Variants in FOXP2 observed in about 807,000 individuals in gnomAD.
FOXP2 encodes the protein forkhead box protein P2.
In FOXP2, 12 loss-of-function variants were observed where a neutral mutation model predicts 115.8. The observed-to-expected ratio is 0.10, with a 90% CI of 0.07 to 0.17. The LOEUF is 0.17. FOXP2 is among the 10% of genes least tolerant of loss of function. The pLI is 1.00. For missense variants in FOXP2, 629 were observed against 843.5 expected (o/e 0.75, Z 3.15); for synonymous variants, 328 against 297.7 (o/e 1.10, Z -1.05).
At chr7:114,376,914 G>A (rs1792152680) in intron 2 of FOXP2, among the ~76,000 whole-genome samples, 1 of 152,172 alleles carries the variant, frequency 6.6e-6, no homozygotes, top group Admixed American at 6.5e-5. Context: ...ATAGACGTGA[G>A]TTTAGATATA....
At chr7:114,133,087 A>G (rs1265457003) in intron 1 of FOXP2, among the ~76,000 whole-genome samples, 1 of 152,202 alleles carries the variant, frequency 6.6e-6, no homozygotes, top group Non-Finnish European at 1.5e-5. Context: ...TAGTAATAGT[A>G]ATGAAGGTTA....
chr7:114,647,181 A>G (rs1451415583), intron 8 of FOXP2, among the ~76,000 whole-genome samples: 2 of 151,854 alleles, frequency 1.3e-5, no homozygotes, highest in Admixed American at 1.3e-4. Context: ...GAAACCATTC[A>G]TTTTTACTGT....
chr7:114,292,975 G>C (rs138636015), intron 2 of FOXP2, among the ~76,000 whole-genome samples: 1 of 151,980 alleles, frequency 6.6e-6, no homozygotes, highest in African/African-American at 2.4e-5. Flanking sequence ...TATATACCTC[G>C]AATAACCCTT....
intron 1 of FOXP2, among the ~76,000 whole-genome samples, chr7:114,263,033 A>C (rs1253492261): frequency 3.3e-5 from 5 of 152,162 alleles, no homozygotes; most frequent in African/African-American, 1.2e-4. Context: ...TCTGTTGCAC[A>C]GTAAAGAAGG....
At chr7:114,142,852 T>G (rs1423688937) in intron 1 of FOXP2, among the ~76,000 whole-genome samples, 1 of 151,860 alleles carries the variant, frequency 6.6e-6, no homozygotes, top group African/African-American at 2.4e-5. Flanking sequence ...AAAAAAAATT[T>G]AACGCCCACT....
intron 3 of FOXP2, among the ~76,000 whole-genome samples, chr7:114,607,631 T>C (rs928306934): frequency 1.3e-5 from 2 of 152,094 alleles, no homozygotes; most frequent in African/African-American, 4.8e-5. Flanking sequence ...AAATTTGTAT[T>C]CTCCCACAAT....
chr7:114,498,350 A>G (rs890270253), intron 2 of FOXP2, among the ~76,000 whole-genome samples: 2 of 152,188 alleles, frequency 1.3e-5, no homozygotes, highest in African/African-American at 2.4e-5. Context: ...GATCATTTTA[A>G]TAAATATTTA....
intron 8 of FOXP2, 53 bp from the exon 9 acceptor site, chr7:114,652,150 C>G (rs1477008434): frequency 6.5e-7 from 1 of 1,530,780 alleles, no homozygotes; most frequent in Non-Finnish European, 9.0e-7. Flanking sequence ...GTAGCCTATG[C>G]CACTAAGATC....
intron 13 of FOXP2, 43 bp downstream of exon 13, chr7:114,659,716 C>T: frequency 7.0e-7 from 1 of 1,432,916 alleles, no homozygotes; most frequent in Non-Finnish European, 9.9e-7. Context: ...ACCACAGTTC[C>T]TTACAGATAG....
At chr7:114,180,977 A>C (rs929281795) in intron 1 of FOXP2, among the ~76,000 whole-genome samples, 8 of 151,898 alleles carry the variant, frequency 5.3e-5, no homozygotes, top group Non-Finnish European at 7.4e-5. Context: ...TTCCCTTTAA[A>C]CATAGGGTAA....
At chr7:114,550,565 C>A (rs1158463925) in intron 3 of FOXP2, among the ~76,000 whole-genome samples, 1 of 152,154 alleles carries the variant, frequency 6.6e-6, no homozygotes, top group Admixed American at 6.5e-5. Flanking sequence ...CATATTGCAA[C>A]CCCTTTGTTA....
At chr7:114,530,603 C>T (rs145974559) in intron 2 of FOXP2, among the ~76,000 whole-genome samples, 8 of 151,876 alleles carry the variant, frequency 5.3e-5, no homozygotes, top group African/African-American at 1.7e-4. Flanking sequence ...AAACTATTCT[C>T]AAGTAATTTT....
intron 1 of FOXP2, among the ~76,000 whole-genome samples, chr7:114,121,362 T>G (rs1223719929): frequency 6.6e-6 from 1 of 152,114 alleles, no homozygotes; most frequent in Non-Finnish European, 1.5e-5. Context: ...TAAATGTATG[T>G]TGTTTTTCAG....
chr7:114,665,954 T>C (rs2129343487), intron 16 of FOXP2: 1 of 152,236 alleles, frequency 6.6e-6, no homozygotes, highest in Non-Finnish European at 1.5e-5. Flanking sequence ...TTGGGCTAAA[T>C]TGTAGCATTG....
At chr7:114,287,457 A>C (rs1244745387) in intron 1 of FOXP2, among the ~76,000 whole-genome samples, 1 of 151,988 alleles carries the variant, frequency 6.6e-6, no homozygotes, top group Non-Finnish European at 1.5e-5. Context: ...AGATTAAAGA[A>C]GGAAGAAACT....
At chr7:114,536,703 T>A (rs1290504501) in intron 3 of FOXP2, among the ~76,000 whole-genome samples, 1 of 151,510 alleles carries the variant, frequency 6.6e-6, no homozygotes. Context: ...CATTTTGTGA[T>A]GCATATTAAT....
At chr7:114,200,846 GC>G (rs1794041268) in intron 1 of FOXP2, among the ~76,000 whole-genome samples, 1 of 152,096 alleles carries the variant, frequency 6.6e-6, no homozygotes, top group African/African-American at 2.4e-5. Context: ...TTTCAAAGAA[GC>G]ATCTTTCATA....
intron 3 of FOXP2, among the ~76,000 whole-genome samples, chr7:114,621,096 G>T (rs184084461): frequency 9.8e-4 from 149 of 152,004 alleles, no homozygotes; most frequent in African/African-American, 3.4e-3. Context: ...GAAATTTGGG[G>T]TGTTAATTTT....
At chr7:114,266,747 A>G (rs1795905308) in intron 1 of FOXP2, among the ~76,000 whole-genome samples, 4 of 152,166 alleles carry the variant, frequency 2.6e-5, no homozygotes. Context: ...ATCAGGGACC[A>G]TATAATTTTT....
Sources: gnomAD v4.1 joint callset for allele counts (sites outside exome capture counted in the v4.1 genomes callset) on GRCh38, gnomAD v4.1.1 for gene constraint, MANE v1.5 for transcripts, NCBI Gene and HGNC (gene_info 2026-07-23, HGNC 2026-07-21) for gene names.